SMC5: variants seen among roughly 807,000 people sequenced by gnomAD.
SMC5 encodes the protein structural maintenance of chromosomes protein 5.
SMC5 carries 88 observed loss-of-function variants against 148.3 expected under a neutral mutation model. The ratio of observed to expected loss-of-function variants is 0.59; its 90% CI spans 0.50 to 0.71. The LOEUF (loss-of-function observed/expected upper bound fraction) is 0.71. Ranked by LOEUF, SMC5 falls within the 30% of genes least tolerant of loss-of-function variation. The probability of loss-of-function intolerance (pLI) is 0.00; values close to 1 mark genes in which losing one functional copy is unlikely to be tolerated. For missense variants in SMC5, 1,142 were observed against 1,298.9 expected, an observed-to-expected ratio of 0.88 and a Z score of 1.86; for synonymous variants, 421 against 432.8, an observed-to-expected ratio of 0.97 and a Z score of 0.34.
chr9:70,305,136 C>G, intron 10 of SMC5, 111 bp from the exon 11 acceptor site: 1 of 529,866 alleles, frequency 1.9e-6, no homozygotes. Flanking sequence ...TTTTTTTTAT[C>G]TTGTTTTTTC....
intron 11 of SMC5, among the ~76,000 whole-genome samples, chr9:70,307,561 G>A (rs1386539470): frequency 6.6e-6 from 1 of 151,716 alleles, no homozygotes. Flanking sequence ...GGAGTGCAAT[G>A]GCACGCTCTT....
intron 24 of SMC5, 108 bp from the exon 25 acceptor site, chr9:70,352,083 T>A: frequency 9.1e-7 from 1 of 1,099,046 alleles, no homozygotes; most frequent in Non-Finnish European, 1.3e-6. Context: ...AAAAAAAGTT[T>A]TATTAATATT....
rs770635107 is a variant in SMC5, at chr9:70,280,814, G to T, written c.734G>T (p.Arg245Ile). The change falls in exon 6 of 25, where the codon AGA becomes ATA. Residue 245 changes from arginine (R) to isoleucine (I), a missense_variant. This residue lies in a region of SMC5 where 297 missense variants were observed against 302.6 expected (regional missense o/e 0.98). Coordinates refer to ENST00000361138, the MANE Select transcript of SMC5 (RefSeq NM_015110.4). ...CAGAAAATGGTTCAGAGGAATGAAA[G>T]ATATAAACAAGATGTGGAGAGGTTC... Reference protein sequence around the residue: ...YLQKMVQRNERYKQDVERFYE... With the variant: ...YLQKMVQRNEIYKQDVERFYE... 7 of 1,613,742 alleles carry T rather than the reference G, an allele frequency of 4.3e-6. No homozygotes were observed. The highest frequency in any genetic ancestry group is 1.1e-5 in the South Asian group (1 of 91,072).
intron 8 of SMC5, among the ~76,000 whole-genome samples, chr9:70,291,043 G>A (rs1351023968): frequency 1.3e-5 from 2 of 152,184 alleles, no homozygotes; most frequent in Non-Finnish European, 2.9e-5. Context: ...AACTCTGGAA[G>A]TCAGTCCCAT....
intron 10 of SMC5, among the ~76,000 whole-genome samples, chr9:70,302,228 C>T (rs945498126): frequency 2.0e-5 from 3 of 151,980 alleles, no homozygotes; most frequent in Non-Finnish European, 4.4e-5. Context: ...AGGTTGGGCA[C>T]GGTGGCTCAT....
chr9:70,260,178 C>G (rs963839178), intron 1 of SMC5, among the ~76,000 whole-genome samples: 1 of 152,168 alleles, frequency 6.6e-6, no homozygotes, highest in Admixed American at 6.5e-5. Flanking sequence ...AATCTCGGCT[C>G]ACTGCAACCT....
Position 70,318,814 on chromosome 9 carries a change from A to G in SMC5, c.2001A>G (p.Gln667=). ...EQLKEIHRKL[Q]AVDSGLIALR... ...TATAGGAAATTCATAGAAAATTGCA[A>G]GCAGTGGATTCAGGGTTGATTGCCT... The change falls in exon 15 of 25, where the codon CAA becomes CAG. Residue 667 remains glutamine, a synonymous_variant. Coordinates refer to ENST00000361138, the MANE Select transcript of SMC5 (RefSeq NM_015110.4). 1.3e-6 allele frequency: 2 copies of G among 1,571,214 alleles called. No individual in the cohort carries two copies. Among genetic ancestry groups the G allele is most frequent in the Non-Finnish European group, 1.7e-6 (2 of 1,165,736 alleles).
At chr9:70,316,322 A>T (rs1054953378) in intron 13 of SMC5, among the ~76,000 whole-genome samples, 4 of 152,076 alleles carry the variant, frequency 2.6e-5, no homozygotes, top group African/African-American at 9.7e-5. Flanking sequence ...TTATTAAAAA[A>T]TATGTTTTAC....
chr9:70,336,898 A>G (rs992289842), intron 17 of SMC5, among the ~76,000 whole-genome samples: 4 of 152,230 alleles, frequency 2.6e-5, no homozygotes, highest in African/African-American at 7.2e-5. Context: ...AAGAGGTTTA[A>G]TGGACTTACA....
chr9:70,322,558 A>G (rs1345622424), intron 15 of SMC5, among the ~76,000 whole-genome samples: 1 of 152,190 alleles, frequency 6.6e-6, no homozygotes, highest in Non-Finnish European at 1.5e-5. Flanking sequence ...TTATGAGGCC[A>G]GGTGCGGTGG....
At chr9:70,321,394 C>CT (rs11390673) in intron 15 of SMC5, among the ~76,000 whole-genome samples, 19,655 of 135,834 alleles carry the variant, frequency 0.14, 1,629 homozygotes, top group African/African-American at 0.22. Flanking sequence ...TGTCAAATGT[C>CT]TTTTTTTTTT....
rs182514688 is a variant in SMC5 at position 70,263,220 on chromosome 9, A to G, written c.186-1084A>G. Among the ~76,000 whole-genome samples the G allele has an allele frequency of 7.9e-5, 12 of 152,314 alleles. No homozygotes were observed. The East Asian group carries it at 1.9e-3, about 24-fold the overall frequency. On this transcript the variant is annotated intron_variant, in intron 1 of 24. Coordinates refer to ENST00000361138, the MANE Select transcript of SMC5 (RefSeq NM_015110.4). ...TTCCCAAACTAGTTTTATTGTAACCATAATAAAGGGCTCTTTTGAAACCCA... is the reference window on the plus strand; with the variant it reads ...TTCCCAAACTAGTTTTATTGTAACCGTAATAAAGGGCTCTTTTGAAACCCA...
chr9:70,321,561 T>C (rs1047445183), intron 15 of SMC5, among the ~76,000 whole-genome samples: 1 of 151,764 alleles, frequency 6.6e-6, no homozygotes, highest in African/African-American at 2.4e-5. Flanking sequence ...CCCAGCTTTT[T>C]TGTAGAGATG....
chr9:70,264,695 T>A (rs1171017044), intron 2 of SMC5, among the ~76,000 whole-genome samples: 2 of 152,194 alleles, frequency 1.3e-5, no homozygotes, highest in Non-Finnish European at 2.9e-5. Flanking sequence ...TCTTTTTTTT[T>A]AAATGCATCA....
intron 11 of SMC5, among the ~76,000 whole-genome samples, chr9:70,307,147 C>T (rs536789321): frequency 3.3e-5 from 5 of 152,280 alleles, no homozygotes; most frequent in Admixed American, 3.3e-4. Flanking sequence ...AATCCCAGCA[C>T]TTTAGGAGGC....
At chr9:70,329,023 G>A (rs529861093) in intron 17 of SMC5, among the ~76,000 whole-genome samples, 2 of 152,320 alleles carry the variant, frequency 1.3e-5, no homozygotes. Flanking sequence ...GGAGTGGCTA[G>A]GATGTAGGGC....
intron 11 of SMC5, among the ~76,000 whole-genome samples, chr9:70,307,111 G>A (rs979644745): frequency 6.6e-6 from 1 of 152,082 alleles, no homozygotes; most frequent in Non-Finnish European, 1.5e-5. Context: ...ACAAATAATA[G>A]GCCAGGCATG....
At chr9:70,268,027 T>C (rs1027363026) in intron 3 of SMC5, 52 bp downstream of exon 3, 1 of 1,404,322 alleles carries the variant, frequency 7.1e-7, no homozygotes, top group Non-Finnish European at 9.9e-7. Flanking sequence ...TCTTAGTTTA[T>C]ATTCATGTTT....
intron 10 of SMC5, among the ~76,000 whole-genome samples, chr9:70,300,586 G>T (rs2035333493): frequency 1.3e-5 from 2 of 152,054 alleles, no homozygotes; most frequent in South Asian, 4.1e-4. Context: ...AAGAGAATAG[G>T]CAAGAAAATC....
Sources: allele counts gnomAD v4.1 joint callset (sites outside exome capture counted in the v4.1 genomes callset), GRCh38; gene constraint gnomAD v4.1.1; regional missense constraint gnomAD v4.1.1; transcripts MANE v1.5; gene names NCBI Gene and HGNC (gene_info 2026-07-23, HGNC 2026-07-21).